The following PHF21A variants were observed in gnomAD, a reference collection of about 807,000 sequenced individuals.
The protein encoded by PHF21A is PHD finger protein 21A, also known as BHC80a.
In PHF21A, 11 loss-of-function variants were observed where a neutral mutation model predicts 82.5. The observed-to-expected ratio is 0.13, with a 90% CI of 0.08 to 0.22. The LOEUF (loss-of-function observed/expected upper bound fraction) is 0.22, where lower values mean the gene tolerates loss of function less well. Ranked by LOEUF, PHF21A falls within the 10% of genes least tolerant of loss-of-function variation. The pLI is 1.00. For missense variants in PHF21A, 579 were observed against 837.8 expected, an observed-to-expected ratio of 0.69 and a Z score of 3.81; for synonymous variants, 297 against 302.8, an observed-to-expected ratio of 0.98 and a Z score of 0.20.
intron 6 of PHF21A, among the ~76,000 whole-genome samples, chr11:46,018,046 C>T (rs11828167): frequency 0.13 from 19,281 of 151,684 alleles, 1,551 homozygotes; most frequent in African/African-American, 0.24. Flanking sequence ...GTCAGGAGAT[C>T]GAGACCATCC....
chr11:45,970,267 T>A (rs2093670765), intron 8 of PHF21A: 1 of 251,998 alleles, frequency 4.0e-6, no homozygotes, highest in Non-Finnish European at 7.7e-6. Context: ...ATAGGCTTTT[T>A]CCTGATATAA....
chr11:45,934,458 G>T, intron 18 of PHF21A: 1 of 521,522 alleles, frequency 1.9e-6, no homozygotes, highest in Non-Finnish European at 3.4e-6. Context: ...AACAGAGGGA[G>T]AAAGAGCATG....
intron 4 of PHF21A, among the ~76,000 whole-genome samples, chr11:46,081,728 G>A (rs1300475171): frequency 6.6e-6 from 1 of 152,164 alleles, no homozygotes; most frequent in Non-Finnish European, 1.5e-5. Context: ...TATACTTCAT[G>A]CCAAAGGTAA....
chr11:46,097,814 C>G (rs2097023114), intron 1 of PHF21A, among the ~76,000 whole-genome samples: 1 of 152,020 alleles, frequency 6.6e-6, no homozygotes, highest in African/African-American at 2.4e-5. Context: ...TATATGACAT[C>G]TCCCTAACTA....
At chr11:45,998,818 C>T (rs575207075) in intron 6 of PHF21A, among the ~76,000 whole-genome samples, 1 of 125,428 alleles carries the variant, frequency 8.0e-6, no homozygotes, top group East Asian at 3.2e-4. Context: ...CCACACCCGG[C>T]CTTTTTTTGT....
At chr11:45,977,188 G>A (rs1339558640) in intron 7 of PHF21A, among the ~76,000 whole-genome samples, 2 of 145,388 alleles carry the variant, frequency 1.4e-5, no homozygotes, top group Non-Finnish European at 3.0e-5. Context: ...CGCCCAGCAT[G>A]GAGTGCAGTA....
At chr11:46,085,314 G>A in intron 3 of PHF21A, among the ~76,000 whole-genome samples, 1 of 152,138 alleles carries the variant, frequency 6.6e-6, no homozygotes, top group East Asian at 1.9e-4. Context: ...AAGCTTGCCA[G>A]TCATCTCTTT....
Position 45,969,724 on chromosome 11 carries a change from T to A in PHF21A, c.702+91A>T, listed in dbSNP as rs2093646493. 3 of 812,700 alleles carry A rather than the reference T, an allele frequency of 3.7e-6. No individual in the cohort carries two copies. The South Asian group carries it at 4.4e-5, about 12-fold the overall frequency. 50.3% of individuals were successfully genotyped at this position (812,700 alleles called of 1,614,324 possible). A position where few individuals can be genotyped will look rare whatever the true frequency, so the allele number is the denominator to read the frequency against. On this transcript the variant is annotated intron_variant, in intron 9 of 18. Transcript: ENST00000676320. The stretch of plus-strand genomic sequence containing the variant: ...AGCTAAGCGGGATAGACAGCTGGGC[T>A]GACAAGCCCCATTACAGGCTACTTA...
rs189221333 is a variant in PHF21A, at chr11:45,996,586, C to T, written c.154-16620G>A. ...TTTTAATGCAGTGCCAGGAATGCTA[C>T]TCTCCATATGCACAAAGGTAGATTA... On this transcript the variant is annotated intron_variant, in intron 6 of 18. Transcript: ENST00000676320. Among the ~76,000 whole-genome samples the T allele has an allele frequency of 6.6e-5, 10 of 152,300 alleles. No individual in the cohort carries two copies. The East Asian group carries it at 1.7e-3, about 26-fold the overall frequency.
At chr11:45,947,955 G>T (rs903885052) in intron 14 of PHF21A, among the ~76,000 whole-genome samples, 2 of 152,188 alleles carry the variant, frequency 1.3e-5, no homozygotes, top group Non-Finnish European at 2.9e-5. Flanking sequence ...TGTGGAGAGG[G>T]AATGGTAATA....
chr11:46,110,020 G>A (rs1327313879), intron 1 of PHF21A, among the ~76,000 whole-genome samples: 2 of 151,690 alleles, frequency 1.3e-5, no homozygotes, highest in East Asian at 1.9e-4. Flanking sequence ...TGGGAGCAGG[G>A]TGGATCACTA....
chr11:46,001,479 A>T (rs2095129481), intron 6 of PHF21A, among the ~76,000 whole-genome samples: 1 of 152,112 alleles, frequency 6.6e-6, no homozygotes, highest in Admixed American at 6.6e-5. Flanking sequence ...TAACAATAGA[A>T]GCTCCAGTTG....
At chr11:46,058,312 T>C (rs2096488139) in intron 6 of PHF21A, among the ~76,000 whole-genome samples, 1 of 152,212 alleles carries the variant, frequency 6.6e-6, no homozygotes, top group Non-Finnish European at 1.5e-5. Context: ...CTTTTTACAC[T>C]AGGCTTAACT....
In PHF21A at chr11:45,958,443, T is replaced by C. The variant is rs200274699; in HGVS notation, c.997-4818A>G. Among the ~76,000 whole-genome samples the C allele has an allele frequency of 6.4e-3, 160 of 25,182 alleles. 1 individual carries two copies. The highest frequency in any genetic ancestry group is 9.8e-3 in the African/African-American group (83 of 8,450). The allele number at this position is 25,182 out of a possible 152,430, so 16.5% of individuals were successfully genotyped here. On this transcript the variant is annotated intron_variant, in intron 10 of 18. Transcript: ENST00000676320. Reference sequence around the variant, plus strand: ...AAATATATATATATATATATATATATATATATACACACACACACACACACA... The same window carrying C: ...AAATATATATATATATATATATATACATATATACACACACACACACACACA...
At chr11:46,057,454 A>G (rs531574630) in intron 6 of PHF21A, among the ~76,000 whole-genome samples, 2 of 152,300 alleles carry the variant, frequency 1.3e-5, no homozygotes, top group East Asian at 1.9e-4. Flanking sequence ...AATTTTCCCA[A>G]TGAACCCAGG....
At chr11:46,099,899 TA>T (rs756234189) in intron 1 of PHF21A, among the ~76,000 whole-genome samples, 4 of 152,194 alleles carry the variant, frequency 2.6e-5, no homozygotes, top group Non-Finnish European at 5.9e-5. Context: ...ACTTTAGGCC[TA>T]AAAACTAAAA....
At chr11:46,105,978 T>C (rs1364377334) in intron 1 of PHF21A, among the ~76,000 whole-genome samples, 1 of 152,234 alleles carries the variant, frequency 6.6e-6, no homozygotes. Flanking sequence ...GGCACGGATT[T>C]AATATTTGTA....
At chr11:46,002,524 G>GA (rs1365954652) in intron 6 of PHF21A, among the ~76,000 whole-genome samples, 270 of 150,760 alleles carry the variant, frequency 1.8e-3, no homozygotes, top group African/African-American at 6.1e-3. Context: ...ACTATTTGGG[G>GA]GAAAAAAAAA....
intron 17 of PHF21A, among the ~76,000 whole-genome samples, chr11:45,935,978 C>A (rs1001793434): frequency 2.0e-5 from 3 of 152,212 alleles, no homozygotes; most frequent in Admixed American, 6.5e-5. Context: ...TCATTTTCTT[C>A]CCCCAAGAAG....
Sources: gnomAD v4.1 joint callset for allele counts (sites outside exome capture counted in the v4.1 genomes callset) on GRCh38, gnomAD v4.1.1 for gene constraint, MANE v1.5 for transcripts, NCBI Gene and HGNC (gene_info 2026-07-23, HGNC 2026-07-21) for gene names.